The following OTC variants were observed in gnomAD, a reference collection of about 807,000 sequenced individuals.
OTC encodes ornithine transcarbamylase, mitochondrial.
Under a neutral mutation model 30.3 loss-of-function variants are expected in OTC, and 3 were observed. That is an observed-to-expected ratio of 0.10 (90% CI 0.05 to 0.26). The LOEUF (loss-of-function observed/expected upper bound fraction) is 0.26, where lower values mean the gene tolerates loss of function less well. OTC is among the 10% of genes least tolerant of loss of function. The pLI is 1.00. For missense variants in OTC, 194 were observed against 260.3 expected, an observed-to-expected ratio of 0.75 and a Z score of 1.75; for synonymous variants, 111 against 99.7, an observed-to-expected ratio of 1.11 and a Z score of -0.67.
rs777845075 is a variant in OTC, at chrX:38,380,940, G to A, written c.299-402G>A. ...GACAGGGTTTTGCCATGTTGGCCAGGCTGGTCTTGAACTTCTGACCTCAGG... is the reference window on the plus strand; with the variant it reads ...GACAGGGTTTTGCCATGTTGGCCAGACTGGTCTTGAACTTCTGACCTCAGG... On this transcript the variant is annotated intron_variant, in intron 3 of 9. Transcript: ENST00000039007. Among the ~76,000 whole-genome samples, 12 of 111,602 alleles carry A rather than the reference G, an allele frequency of 1.1e-4. No individual in the cohort carries two copies. In the East Asian group the frequency reaches 3.4e-3, roughly 32 times the overall value.
chrX:38,416,545 T>A (rs1025634196), intron 9 of OTC, among the ~76,000 whole-genome samples: 1 of 111,964 alleles, frequency 8.9e-6, no homozygotes, highest in Non-Finnish European at 1.9e-5. Flanking sequence ...GACTCTTAAG[T>A]CCAAAACACC....
intron 4 of OTC, among the ~76,000 whole-genome samples, chrX:38,383,492 C>T (rs985760192): frequency 2.8e-4 from 31 of 111,797 alleles, no homozygotes; most frequent in South Asian, 1.1e-3. Flanking sequence ...AGAGGGGCAG[C>T]GAAACAAGTT....
At chrX:38,387,609 C>T (rs1043704835) in intron 4 of OTC, among the ~76,000 whole-genome samples, 1 of 111,419 alleles carries the variant, frequency 9.0e-6, no homozygotes. Context: ...TAACACCACA[C>T]TCAGGTTTGA....
chrX:38,397,124 T>C (rs192896350), intron 4 of OTC, among the ~76,000 whole-genome samples: 2 of 112,397 alleles, frequency 1.8e-5, no homozygotes, highest in African/African-American at 6.5e-5. Context: ...TTCCTACTTA[T>C]GTAAGTAAAT....
At chrX:38,395,523 C>A in intron 4 of OTC, 1 of 131,657 alleles carries the variant, frequency 7.6e-6, no homozygotes. Context: ...AGGGGTTGGC[C>A]ATGCCAGCAT....
chrX:38,420,896 A>T, intron 9 of OTC, 127 bp from the exon 10 acceptor site: 1 of 503,794 alleles, frequency 2.0e-6, no homozygotes, highest in Non-Finnish European at 3.5e-6. Context: ...TTCTCTTACC[A>T]TTTTCTTGAG....
intron 1 of OTC, among the ~76,000 whole-genome samples, chrX:38,353,675 C>G (rs944034114): frequency 4.5e-5 from 5 of 111,279 alleles, no homozygotes; most frequent in Middle Eastern, 4.2e-3. Context: ...TCTCTGGACT[C>G]CACCATTAGC....
chrX:38,371,033 T>C (rs2068320295), intron 3 of OTC, among the ~76,000 whole-genome samples: 1 of 111,763 alleles, frequency 8.9e-6, no homozygotes, highest in Admixed American at 9.5e-5. Context: ...TCTGGGATTC[T>C]CCAAACTCAT....
intron 5 of OTC, among the ~76,000 whole-genome samples, chrX:38,402,759 G>T (rs2068495791): frequency 9.0e-6 from 1 of 110,872 alleles, no homozygotes; most frequent in South Asian, 3.8e-4. Flanking sequence ...CCTGATGTTA[G>T]TATCTTTACA....
chrX:38,398,850 C>A (rs2068470467), intron 4 of OTC, among the ~76,000 whole-genome samples: 1 of 111,581 alleles, frequency 9.0e-6, no homozygotes. Context: ...ATTAGTTCTT[C>A]ACTTAGTTCC....
chrX:38,347,188 T>C, the OTC span, among the ~76,000 whole-genome samples: 1 of 112,160 alleles, frequency 8.9e-6, no homozygotes, highest in Middle Eastern at 4.6e-3. Flanking sequence ...ATGCATTTGA[T>C]TGCAAGTAAT....
In OTC at chrX:38,410,161, C is replaced by A. The variant is rs7050531; in HGVS notation, c.867+1136C>A. 6.8e-3 allele frequency among the ~76,000 whole-genome samples: 765 copies of A among 111,740 alleles called. 4 individuals are homozygous for A. The highest frequency in any genetic ancestry group is 0.028 in the Middle Eastern group (6 of 216). ...ATAGAATTCCAAAGGATAAGTGGAACCATAATTTACTTAAAATGTTTCCTA... is the reference window on the plus strand; with the variant it reads ...ATAGAATTCCAAAGGATAAGTGGAAACATAATTTACTTAAAATGTTTCCTA... On this transcript the variant is annotated intron_variant, in intron 8 of 9. Coordinates refer to ENST00000039007, the MANE Select transcript of OTC (RefSeq NM_000531.6).
At chrX:38,415,091 T>G (rs1322071402) in intron 9 of OTC, among the ~76,000 whole-genome samples, 1 of 110,445 alleles carries the variant, frequency 9.1e-6, no homozygotes, top group East Asian at 2.8e-4. Flanking sequence ...ATTATTTTTA[T>G]TTTTTGAGAC....
intron 4 of OTC, among the ~76,000 whole-genome samples, chrX:38,388,504 G>A (rs1346854796): frequency 9.2e-6 from 1 of 108,773 alleles, no homozygotes. Context: ...GACCACCTTC[G>A]CGTGACTCAG....
intron 4 of OTC, among the ~76,000 whole-genome samples, chrX:38,398,333 GAC>G (rs2068467379): frequency 8.9e-6 from 1 of 111,877 alleles, no homozygotes; most frequent in Non-Finnish European, 1.9e-5. Context: ...GTCTGCATGT[GAC>G]ACACACTAAA....
chrX:38,386,808 G>C (rs2068406004), intron 4 of OTC, among the ~76,000 whole-genome samples: 1 of 112,040 alleles, frequency 8.9e-6, no homozygotes, highest in Non-Finnish European at 1.9e-5. Flanking sequence ...AATTACTTTG[G>C]CTAAATACCC....
the OTC span, among the ~76,000 whole-genome samples, chrX:38,335,679 A>G: frequency 8.9e-6 from 1 of 112,919 alleles, no homozygotes; most frequent in Admixed American, 9.3e-5. Context: ...ACACTTAAAA[A>G]TGAATGGCCC....
intron 9 of OTC, among the ~76,000 whole-genome samples, chrX:38,418,126 CT>C (rs1294782899): frequency 9.0e-6 from 1 of 111,663 alleles, no homozygotes; most frequent in African/African-American, 3.3e-5. Flanking sequence ...AGATCCCCCC[CT>C]CTCTGCATTC....
chrX:38,407,165 T>A (rs2068519150), intron 6 of OTC, among the ~76,000 whole-genome samples: 1 of 112,551 alleles, frequency 8.9e-6, no homozygotes, highest in Non-Finnish European at 1.9e-5. Flanking sequence ...AAGTTCTGGA[T>A]CTGAGATGTC....
Sources: allele counts gnomAD v4.1 joint callset (sites outside exome capture counted in the v4.1 genomes callset), GRCh38; gene constraint gnomAD v4.1.1; transcripts MANE v1.5; gene names NCBI Gene and HGNC (gene_info 2026-07-23, HGNC 2026-07-21).